DOP1A: variants seen among roughly 807,000 people sequenced by gnomAD.
The protein encoded by DOP1A is protein DOP1A.
DOP1A carries 90 observed loss-of-function variants against 267.6 expected under a neutral mutation model. That is an observed-to-expected ratio of 0.34 (90% CI 0.28 to 0.40). DOP1A has a LOEUF of 0.40. Among genes scored for constraint, DOP1A ranks in the 10% least tolerant of loss-of-function variants. DOP1A has a pLI of 1.00. For synonymous variants in DOP1A, 932 were observed against 999.1 expected, an observed-to-expected ratio of 0.93 and a Z score of 1.27; for missense variants, 2,437 against 2,900.4, an observed-to-expected ratio of 0.84 and a Z score of 3.67.
At chr6:83,083,155 A>G (rs1768438958) in intron 1 of DOP1A, among the ~76,000 whole-genome samples, 1 of 152,174 alleles carries the variant, frequency 6.6e-6, no homozygotes, top group African/African-American at 2.4e-5. Flanking sequence ...AAACTTCTGT[A>G]TCAGAATCAT....
Position 83,138,658 on chromosome 6 carries a change from C to T in DOP1A, c.4616C>T (p.Ala1539Val), listed in dbSNP as rs767560314. The change falls in exon 21 of 39, where the codon GCT (alanine) becomes GTT (valine). Residue 1539 changes from alanine to valine, a missense_variant. By Grantham distance (64) the Ala-to-Val change is moderately conservative. Coordinates refer to ENST00000349129, the MANE Select transcript of DOP1A (RefSeq NM_015018.4). ...LHCLLSSIFS[A>V]QKWHSEKMAG... ...TGTTTGCTGTCATCTATCTTTAGTGCTCAGAAATGGCATAGTGAAAAAATG... is the reference window on the plus strand; with the variant it reads ...TGTTTGCTGTCATCTATCTTTAGTGTTCAGAAATGGCATAGTGAAAAAATG... The T allele has an allele frequency of 1.2e-6, 2 of 1,613,854 alleles. No homozygotes were observed. The highest frequency in any genetic ancestry group is 2.2e-5 in the East Asian group (1 of 44,872).
rs114240114 is a variant in DOP1A at position 83,087,623 on chromosome 6, G to T, written c.-146-9108G>T. Reference sequence around the variant, plus strand: ...AAATCCCTACCTCTCCCATTTACTAGCTGTATTGCATATCATTTCTATCCT... The same window carrying T: ...AAATCCCTACCTCTCCCATTTACTATCTGTATTGCATATCATTTCTATCCT... On this transcript the variant is annotated intron_variant, in intron 1 of 38. Coordinates refer to ENST00000349129, the MANE Select transcript of DOP1A (RefSeq NM_015018.4). Among the ~76,000 whole-genome samples, 484 of 152,290 alleles carry T rather than the reference G, an allele frequency of 3.2e-3. 5 individuals are homozygous for T. The highest frequency in any genetic ancestry group is 0.01 in the African/African-American group (427 of 41,560).
At position 83,168,017 on chromosome 6, in the gene DOP1A, A is replaced by G; in HGVS notation, c.7248A>G (p.Gly2416=). The G allele has an allele frequency of 6.2e-7, 1 of 1,614,166 alleles. No individual in the cohort carries two copies. The part of the protein sequence containing the change: ...VFNSKVTSRC[G]GHSGSPILYS... ...ACAGCAAAGTCACAAGCCGATGTGG[A>G]GGACACTCAGGGAGTCCTATCCTCT... Residue 2416 remains glycine, a synonymous_variant, in exon 39 of 39, where the codon GGA becomes GGG. Coordinates refer to ENST00000349129, the MANE Select transcript of DOP1A (RefSeq NM_015018.4).
intron 20 of DOP1A, among the ~76,000 whole-genome samples, chr6:83,136,712 C>A (rs1376963095): frequency 6.6e-6 from 1 of 152,060 alleles, no homozygotes; most frequent in African/African-American, 2.4e-5. Context: ...CTGCTTATTG[C>A]CAGAATGTCT....
At chr6:83,087,538 C>T (rs1769505450) in intron 1 of DOP1A, among the ~76,000 whole-genome samples, 1 of 152,172 alleles carries the variant, frequency 6.6e-6, no homozygotes, top group South Asian at 2.1e-4. Flanking sequence ...AAAACAGCCT[C>T]CGTGAAAGTG....
At position 83,129,387 on chromosome 6, in the gene DOP1A, T is replaced by C. The variant is rs1469079184; in HGVS notation, c.2220T>C (p.Ser740=). ...AAAACATAAGTAAACAAAAAACTTCTAAAGAATACCTGTCTGCCTTCCTTG... is the reference window on the plus strand; with the variant it reads ...AAAACATAAGTAAACAAAAAACTTCCAAAGAATACCTGTCTGCCTTCCTTG... ...KEKNISKQKT[S]KEYLSAFLAA... is the part of the protein sequence containing the mutation. The change falls in exon 16 of 39, where the codon TCT becomes TCC. Residue 740 remains serine, a synonymous_variant. Transcript: ENST00000349129. 6.2e-7 allele frequency: 1 copy of C among 1,611,516 alleles called. No individual in the cohort carries two copies. Among genetic ancestry groups the C allele is most frequent in the Non-Finnish European group, 8.5e-7 (1 of 1,179,230 alleles).
Position 83,140,204 on chromosome 6 carries a change from C to T in DOP1A, c.5233-17C>T, listed in dbSNP as rs1779391696. 3 of 1,605,822 alleles carry T rather than the reference C, an allele frequency of 1.9e-6. No homozygotes were observed. The highest frequency in any genetic ancestry group is 2.7e-5 in the African/African-American group (2 of 74,800). On this transcript the variant is annotated splice_polypyrimidine_tract_variant and intron_variant, in intron 22 of 38. Coordinates refer to ENST00000349129, the MANE Select transcript of DOP1A (RefSeq NM_015018.4). Reference sequence around the variant, plus strand: ...TCTCAGTAAGTAATATGTTTCTTTTCCCCCAACTGTTAATAGCTTTTGGTC... The same window carrying T: ...TCTCAGTAAGTAATATGTTTCTTTTTCCCCAACTGTTAATAGCTTTTGGTC...
At chr6:83,086,424 GAA>G (rs1769250900) in intron 1 of DOP1A, among the ~76,000 whole-genome samples, 2 of 152,190 alleles carry the variant, frequency 1.3e-5, no homozygotes, top group Admixed American at 1.3e-4. Context: ...GGAGGAGAAA[GAA>G]GAGAGGTTGG....
intron 36 of DOP1A, 112 bp from the exon 37 acceptor site, chr6:83,159,684 A>C (rs978709288): frequency 2.2e-5 from 26 of 1,179,580 alleles, no homozygotes; most frequent in African/African-American, 3.1e-5. Context: ...AATTACTGGC[A>C]CATTTATCTC....
rs1400222802 is a variant in DOP1A at position 83,128,996 on chromosome 6, C to T, written c.1829C>T (p.Ala610Val). The change falls in exon 16 of 39, where the codon GCA becomes GTA. Residue 610 changes from alanine to valine, a missense_variant. Around this residue, in one of 9 missense-constraint regions of DOP1A, gnomAD observed 498 missense variants for 513.5 expected, o/e 0.97. Coordinates refer to ENST00000349129, the MANE Select transcript of DOP1A (RefSeq NM_015018.4). Reference protein sequence around the residue: ...SGFTEFIQYQADRTDDIDREL... With the variant: ...SGFTEFIQYQVDRTDDIDREL... The stretch of plus-strand genomic sequence containing the variant: ...TTCACTGAGTTTATACAATATCAAG[C>T]AGACCGAACTGATGATATTGACAGA... 3 of 1,612,546 alleles carry T rather than the reference C, an allele frequency of 1.9e-6. No homozygotes were observed. Among genetic ancestry groups the T allele is most frequent in the Non-Finnish European group, 2.5e-6 (3 of 1,179,306 alleles).
rs114457896 is a variant in DOP1A, at chr6:83,158,327, C to A, written c.6742-240C>A. Among the ~76,000 whole-genome samples, 702 of 152,216 alleles carry A rather than the reference C, an allele frequency of 4.6e-3. 6 individuals carry two copies. Among genetic ancestry groups the A allele is most frequent in the African/African-American group, 0.016 (651 of 41,538 alleles). On this transcript the variant is annotated intron_variant, in intron 35 of 38. Transcript: ENST00000349129. ...ATTTTTCCTTTTTTAATAACTAACT[C>A]TGTTCCATAATCACTAAAAACAAAA...
At chr6:83,098,712 C>T (rs1771955655) in intron 3 of DOP1A, among the ~76,000 whole-genome samples, 1 of 152,116 alleles carries the variant, frequency 6.6e-6, no homozygotes, top group Admixed American at 6.5e-5. Flanking sequence ...CTCCAGGAAC[C>T]TCCGCATGTG....
intron 4 of DOP1A, among the ~76,000 whole-genome samples, chr6:83,102,363 C>T (rs1321658648): frequency 6.6e-6 from 1 of 152,192 alleles, no homozygotes; most frequent in East Asian, 1.9e-4. Flanking sequence ...CAAACTAGCT[C>T]TGTGATCTGG....
At position 83,165,919 on chromosome 6, in the gene DOP1A, G is replaced by A. The variant is rs568770551; in HGVS notation, c.7093-1943G>A. Reference sequence around the variant, plus strand: ...TGGTTTCACCTGGATTCAGAAAGCTGTAGTGGATCAGACTGGCAGCAAACC... The same window carrying A: ...TGGTTTCACCTGGATTCAGAAAGCTATAGTGGATCAGACTGGCAGCAAACC... On this transcript the variant is annotated intron_variant, in intron 38 of 38. Coordinates refer to ENST00000349129, the MANE Select transcript of DOP1A (RefSeq NM_015018.4). 9.9e-6 allele frequency: 4 copies of A among 403,024 alleles called. No homozygotes were observed. The East Asian group carries it at 3.0e-4, about 31-fold the overall frequency. The allele number at this position is 403,024 out of a possible 1,614,324, so 25.0% of individuals were successfully genotyped here. A position where few individuals can be genotyped will look rare whatever the true frequency, so the allele number is the denominator to read the frequency against.
chr6:83,157,159 A>C lies in DOP1A; in HGVS notation c.6605-23A>C, dbSNP rs146229272. 41 of 1,604,212 alleles carry C rather than the reference A, an allele frequency of 2.6e-5. No individual in the cohort carries two copies. In the African/African-American group the frequency reaches 3.8e-4, roughly 15 times the overall value. On this transcript the variant is annotated intron_variant, in intron 34 of 38. Transcript: ENST00000349129. ...TGTGATAAAGATTATTTAGTTATTG[A>C]AAATGCTCTGCATTTCTTTCAGAGA...
Position 83,137,363 on chromosome 6 carries a change from G to A in DOP1A, c.3321G>A (p.Gln1107=), listed in dbSNP as rs1779016484. 1.9e-6 allele frequency: 3 copies of A among 1,613,724 alleles called. No individual in the cohort carries two copies. Among genetic ancestry groups the A allele is most frequent in the African/African-American group, 1.3e-5 (1 of 74,894 alleles). Residue 1107 remains glutamine, a synonymous_variant, in exon 21 of 39, where the codon CAG becomes CAA. Coordinates refer to ENST00000349129, the MANE Select transcript of DOP1A (RefSeq NM_015018.4). Reference sequence around the variant, plus strand: ...CAGACCAACAGATAGAAATACTTCAGAGTTCTGACTCGGGATGTTCACAGT... The same window carrying A: ...CAGACCAACAGATAGAAATACTTCAAAGTTCTGACTCGGGATGTTCACAGT... ...DLPDQQIEIL[Q]SSDSGCSQSS... is the part of the protein sequence containing the mutation.
chr6:83,132,540 AAAATT>A (rs1778239014), intron 18 of DOP1A, among the ~76,000 whole-genome samples: 1 of 152,180 alleles, frequency 6.6e-6, no homozygotes, highest in Non-Finnish European at 1.5e-5. Context: ...AGTAATATGA[AAAATT>A]AAAACAAAAA....
intron 38 of DOP1A, chr6:83,166,483 A>G: frequency 1.4e-6 from 1 of 698,726 alleles, no homozygotes; most frequent in Non-Finnish European, 2.6e-6. Context: ...TGAACTCAGA[A>G]AATCGCTAAA....
intron 1 of DOP1A, among the ~76,000 whole-genome samples, chr6:83,083,546 G>C (rs1401465216): frequency 1.3e-5 from 2 of 151,990 alleles, no homozygotes; most frequent in African/African-American, 2.4e-5. Context: ...TGCCTTATAT[G>C]AACATGGATT....
Sources: gnomAD v4.1 joint callset for allele counts (sites outside exome capture counted in the v4.1 genomes callset) on GRCh38, gnomAD v4.1.1 for gene constraint, gnomAD v4.1.1 regional missense constraint, MANE v1.5 for transcripts, NCBI Gene and HGNC (gene_info 2026-07-23, HGNC 2026-07-21) for gene names.